The following OSBP2 variants were observed in gnomAD, a reference collection of about 807,000 sequenced individuals.
OSBP2 encodes the protein oxysterol-binding protein 2.
Under a neutral mutation model 96.0 loss-of-function variants are expected in OSBP2, and 66 were observed. The observed-to-expected ratio is 0.69, with a 90% CI of 0.56 to 0.84. The LOEUF (loss-of-function observed/expected upper bound fraction) is 0.84. Ranked by LOEUF, OSBP2 falls within the 40% of genes least tolerant of loss-of-function variation. The pLI, the probability that OSBP2 is intolerant of heterozygous loss-of-function variation, is 0.00. For synonymous variants in OSBP2, 525 were observed against 520.9 expected, an observed-to-expected ratio of 1.01 and a Z score of -0.11; for missense variants, 1,038 against 1,222.7, an observed-to-expected ratio of 0.85 and a Z score of 2.25.
intron 2 of OSBP2, among the ~76,000 whole-genome samples, chr22:30,809,085 A>T (rs1268759949): frequency 6.6e-6 from 1 of 152,212 alleles, no homozygotes; most frequent in Non-Finnish European, 1.5e-5. Context: ...GGAACACCTG[A>T]GGCTACCAGG....
chr22:30,694,393 C>T (rs919017908), upstream of OSBP2: 13 of 1,474,364 alleles, frequency 8.8e-6, no homozygotes, highest in African/African-American at 1.9e-4. Flanking sequence ...CTTTAGCGCC[C>T]CTGTGCTTCG....
chr22:30,790,225 G>T (rs908416800), intron 2 of OSBP2, among the ~76,000 whole-genome samples: 2 of 152,012 alleles, frequency 1.3e-5, no homozygotes, highest in East Asian at 1.9e-4. Context: ...GGCCTACAGG[G>T]ATTCCGGGTT....
chr22:30,730,772 CTCTATATATATATA>C (rs2089753212), intron 1 of OSBP2, among the ~76,000 whole-genome samples: 2 of 20,576 alleles, frequency 9.7e-5, no homozygotes, highest in African/African-American at 1.8e-4. Flanking sequence ...CTCTCTCTCT[CTCTATATATATATA>C]TATATATATA....
intron 3 of OSBP2, among the ~76,000 whole-genome samples, chr22:30,877,587 C>T (rs557569690): frequency 4.7e-4 from 72 of 152,284 alleles, no homozygotes; most frequent in Middle Eastern, 3.4e-3. Flanking sequence ...GAAAAAGCTG[C>T]GGGAGCAGGT....
At chr22:30,757,920 A>T (rs1263762308) in intron 2 of OSBP2, among the ~76,000 whole-genome samples, 1 of 152,134 alleles carries the variant, frequency 6.6e-6, no homozygotes, top group Admixed American at 6.5e-5. Flanking sequence ...TTGTCAGCAG[A>T]TCCTGTCAGT....
chr22:30,857,385 G>A (rs1217313799), intron 2 of OSBP2, among the ~76,000 whole-genome samples: 1 of 152,330 alleles, frequency 6.6e-6, no homozygotes, highest in South Asian at 2.1e-4. Context: ...TTACACAGCC[G>A]ACTGGTGGAC....
intron 12 of OSBP2, chr22:30,902,163 C>A: frequency 1.8e-6 from 1 of 564,444 alleles, no homozygotes; most frequent in Non-Finnish European, 3.0e-6. Flanking sequence ...CAGAGGGTCC[C>A]ACGGCAGTAC....
rs1167650113 is a variant in OSBP2 at position 30,722,759 on chromosome 22, TTTTC to T, written c.645-18388_645-18385del. Among the ~76,000 whole-genome samples the T allele has an allele frequency of 1.9e-3, 290 of 149,296 alleles. 2 individuals carry two copies. Among genetic ancestry groups the T allele is most frequent in the African/African-American group, 6.8e-3 (279 of 40,774 alleles). The stretch of plus-strand genomic sequence containing the variant: ...CTTCCTTCTCTTTCTCTCTCTTTCT[TTTTC>T]TTTCTTTCTTTCTCTCTCTCTGTCT... On this transcript the variant is annotated intron_variant, in intron 1 of 13. Coordinates refer to ENST00000332585, the MANE Select transcript of OSBP2 (RefSeq NM_030758.4).
At chr22:30,726,279 T>C (rs2089649254) in intron 1 of OSBP2, among the ~76,000 whole-genome samples, 1 of 152,186 alleles carries the variant, frequency 6.6e-6, no homozygotes, top group African/African-American at 2.4e-5. Flanking sequence ...GTGGCACATA[T>C]ACACCGTGGA....
At chr22:30,894,084 G>A (rs1193532317) in intron 12 of OSBP2, 83 bp downstream of exon 12, 1 of 1,263,052 alleles carries the variant, frequency 7.9e-7, no homozygotes, top group Non-Finnish European at 1.1e-6. Flanking sequence ...ACAGGCACAG[G>A]AGGTCGGGAG....
At chr22:30,714,963 C>T (rs1187774798) in intron 1 of OSBP2, among the ~76,000 whole-genome samples, 1 of 152,124 alleles carries the variant, frequency 6.6e-6, no homozygotes, top group East Asian at 1.9e-4. Flanking sequence ...ATTGCTGTAT[C>T]ATATGGTAGT....
chr22:30,780,407 C>G (rs1366782253), intron 2 of OSBP2, among the ~76,000 whole-genome samples: 3 of 152,222 alleles, frequency 2.0e-5, no homozygotes, highest in East Asian at 3.8e-4. Flanking sequence ...ACGCATGACA[C>G]GGAGTAAATG....
intron 1 of OSBP2, among the ~76,000 whole-genome samples, chr22:30,730,663 C>T (rs990285696): frequency 9.2e-5 from 13 of 140,580 alleles, no homozygotes; most frequent in Non-Finnish European, 1.7e-4. Context: ...TACTTTGCTC[C>T]AGAGTGGTAG....
At chr22:30,818,283 G>GT (rs796777180) in intron 2 of OSBP2, among the ~76,000 whole-genome samples, 109 of 147,426 alleles carry the variant, frequency 7.4e-4, no homozygotes, top group African/African-American at 1.6e-3. Context: ...TCCTTTCAGC[G>GT]TTTTTTTTTT....
At chr22:30,886,991 G>A (rs1452078756) in intron 3 of OSBP2, among the ~76,000 whole-genome samples, 2 of 151,410 alleles carry the variant, frequency 1.3e-5, no homozygotes, top group South Asian at 2.1e-4. Context: ...AGCAGCCCCC[G>A]GGGCTGCTTG....
rs1391004547 is a variant in OSBP2, at chr22:30,902,036, T to A, written c.2376-3801T>A. 2.0e-5 allele frequency among the ~76,000 whole-genome samples: 3 copies of A among 147,714 alleles called. No homozygotes were observed. The Admixed American group carries it at 2.1e-4, about 10-fold the overall frequency. The stretch of plus-strand genomic sequence containing the variant: ...AATGAATAACTGTGGTACATTCGCA[T>A]GAAGGAATATATACAGTAGCTAAAA... On this transcript the variant is annotated intron_variant, in intron 12 of 13. Coordinates refer to ENST00000332585, the MANE Select transcript of OSBP2 (RefSeq NM_030758.4).
At chr22:30,849,342 T>G (rs1284895759) in intron 2 of OSBP2, among the ~76,000 whole-genome samples, 1 of 152,200 alleles carries the variant, frequency 6.6e-6, no homozygotes, top group East Asian at 1.9e-4. Context: ...CCAAAGTGAT[T>G]ATACCATTTT....
At chr22:30,713,164 C>T (rs189224356) in intron 1 of OSBP2, among the ~76,000 whole-genome samples, 149 of 151,146 alleles carry the variant, frequency 9.9e-4, no homozygotes, top group Non-Finnish European at 1.6e-3. Context: ...CTGCAAGCTC[C>T]GCCTCCTGGG....
At chr22:30,879,500 C>A (rs1569162779) in intron 3 of OSBP2, among the ~76,000 whole-genome samples, 1 of 152,230 alleles carries the variant, frequency 6.6e-6, no homozygotes. Flanking sequence ...AGGGCTGAAA[C>A]CCCTGTGTGC....
Sources: gnomAD v4.1 joint callset for allele counts (sites outside exome capture counted in the v4.1 genomes callset) on GRCh38, gnomAD v4.1.1 for gene constraint, MANE v1.5 for transcripts, NCBI Gene and HGNC (gene_info 2026-07-23, HGNC 2026-07-21) for gene names.